The following UMODL1 variants were observed in gnomAD, a reference collection of about 807,000 sequenced individuals.
UMODL1 encodes uromodulin like 1, also known as uromodulin-like 1.
A neutral mutation model predicts 136.3 loss-of-function variants in UMODL1; 128 were observed. That is an observed-to-expected ratio of 0.94 (90% CI 0.81 to 1.09). The LOEUF is 1.09. Ranked by LOEUF, UMODL1 falls within the 50% of genes least tolerant of loss-of-function variation. The pLI, the probability that UMODL1 is intolerant of heterozygous loss-of-function variation, is 0.00. For synonymous variants in UMODL1, 721 were observed against 720.0 expected (o/e 1.00, Z -0.02); for missense variants, 1,766 against 1,725.6 (o/e 1.02, Z -0.41).
chr21:42,101,537 G>C (rs66994219), intron 7 of UMODL1, among the ~76,000 whole-genome samples: 1 of 152,034 alleles, frequency 6.6e-6, no homozygotes, highest in Non-Finnish European at 1.5e-5. Flanking sequence ...AATTGCCGCC[G>C]ACCTGCTCCT....
rs115461538 is a variant in UMODL1 at position 42,120,122 on chromosome 21, C to T, written c.2689+798C>T. 4.8e-3 allele frequency among the ~76,000 whole-genome samples: 726 copies of T among 152,316 alleles called. 8 individuals are homozygous for T. Among genetic ancestry groups the T allele is most frequent in the African/African-American group, 0.017 (695 of 41,556 alleles). On this transcript the variant is annotated intron_variant, in intron 15 of 22. Coordinates refer to ENST00000408910, the MANE Select transcript of UMODL1 (RefSeq NM_001004416.3). ...AAGATGTGGTAACCCAAGACATCCCCATTAGAATGCATTGCACTGTTTGCC... is the reference window on the plus strand; with the variant it reads ...AAGATGTGGTAACCCAAGACATCCCTATTAGAATGCATTGCACTGTTTGCC...
chr21:42,118,939 T>C (rs2066933432), intron 14 of UMODL1, among the ~76,000 whole-genome samples, 172 bp from the exon 15 acceptor site: 1 of 152,204 alleles, frequency 6.6e-6, no homozygotes, highest in African/African-American at 2.4e-5. Context: ...GCGTTTGTGC[T>C]GGGCTTGAAA....
intron 2 of UMODL1, among the ~76,000 whole-genome samples, chr21:42,077,469 T>A (rs978314074): frequency 7.1e-6 from 1 of 140,656 alleles, no homozygotes; most frequent in Non-Finnish European, 1.6e-5. Context: ...GTTAAAACAA[T>A]TTTACAGAAA....
At chr21:42,107,857 A>C (rs180925665) in intron 9 of UMODL1, among the ~76,000 whole-genome samples, 8 of 152,266 alleles carry the variant, frequency 5.3e-5, no homozygotes, top group African/African-American at 1.7e-4. Flanking sequence ...GAGTCTCTGA[A>C]GCAGCTGCCC....
At chr21:42,069,170 A>G (rs1290978990), upstream of UMODL1, among the ~76,000 whole-genome samples, 4 of 151,666 alleles carry the variant, frequency 2.6e-5, no homozygotes, top group African/African-American at 9.7e-5. Context: ...ATCATGCAGG[A>G]AAATATGTAT....
chr21:42,118,113 G>A (rs1274841433), intron 14 of UMODL1, among the ~76,000 whole-genome samples: 1 of 152,224 alleles, frequency 6.6e-6, no homozygotes, highest in Non-Finnish European at 1.5e-5. Flanking sequence ...CTAGCAAGGG[G>A]CCTGGAAGTT....
chr21:42,099,030 G>T lies in UMODL1; in HGVS notation c.1036G>T (p.Val346Phe), dbSNP rs1385093773. 1.9e-6 allele frequency: 3 copies of T among 1,614,180 alleles called. No homozygotes were observed. The highest frequency in any genetic ancestry group is 1.7e-6 in the Non-Finnish European group (2 of 1,180,036). The change falls in exon 7 of 23, where the codon GTT becomes TTT. Residue 346 changes from valine to phenylalanine, a missense_variant. Transcript: ENST00000408910. This position sits in a 1 kb window ranked among gnomAD's most constrained non-coding sequence, Gnocchi z 4.1. The stretch of plus-strand genomic sequence containing the variant: ...ACAGAACCACACTTTCCATGTCCGG[G>T]TTTACCGGGGTATGGAGTTGCTCAG... Reference protein sequence around the residue: ...STQNHTFHVRVYRGMELLRSA... With the variant: ...STQNHTFHVRFYRGMELLRSA...
At position 42,099,525 on chromosome 21, in the gene UMODL1, C is replaced by T. The variant is rs567209752; in HGVS notation, c.1186+345C>T. On this transcript the variant is annotated intron_variant, in intron 7 of 22. Coordinates refer to ENST00000408910, the MANE Select transcript of UMODL1 (RefSeq NM_001004416.3). This position sits in a 1 kb window ranked among gnomAD's most constrained non-coding sequence, Gnocchi z 4.1. ...ATAATAAAGCAGAAGGCGGCAGCTC[C>T]TGGCAGGCAGATCCGGACCCTGCCC... is the stretch of plus-strand genomic sequence containing the variant. 1.3e-5 allele frequency among the ~76,000 whole-genome samples: 2 copies of T among 152,314 alleles called. No individual in the cohort carries two copies. The highest frequency in any genetic ancestry group is 4.8e-5 in the African/African-American group (2 of 41,572).
In UMODL1 at chr21:42,137,013, C is replaced by T. The variant is rs371572974; in HGVS notation, c.3776-426C>T. Among the ~76,000 whole-genome samples, 318 of 152,312 alleles carry T rather than the reference C, an allele frequency of 2.1e-3. 1 individual carries two copies. The highest frequency in any genetic ancestry group is 7.2e-3 in the African/African-American group (298 of 41,570). On this transcript the variant is annotated intron_variant, in intron 21 of 22. Transcript: ENST00000408910. ...CCTTGTGACCCGCCCGCCTCAGCCC[C>T]GCAAAGTGCTGAGATTACAGTCGTC... is the stretch of plus-strand genomic sequence containing the variant.
chr21:42,120,966 A>T, intron 15 of UMODL1, 121 bp from the exon 16 acceptor site: 1 of 1,273,514 alleles, frequency 7.9e-7, no homozygotes, highest in Non-Finnish European at 1.1e-6. Context: ...GCTTGACTGC[A>T]GTCTGCTGTG....
Position 42,129,741 on chromosome 21 carries a change from A to T in UMODL1, c.3719A>T (p.Asn1240Ile), listed in dbSNP as rs2067108916. 2 of 1,587,912 alleles carry T rather than the reference A, an allele frequency of 1.3e-6. No individual in the cohort carries two copies. The highest frequency in any genetic ancestry group is 2.3e-5 in the East Asian group (1 of 44,040). Residue 1240 changes from asparagine (N) to isoleucine (I), a missense_variant, in exon 21 of 23, where the codon AAT (asparagine) becomes ATT (isoleucine). Physicochemically the swap from Asn to Ile is moderately radical, Grantham distance 149. Coordinates refer to ENST00000408910, the MANE Select transcript of UMODL1 (RefSeq NM_001004416.3). The part of the protein sequence containing the change: ...INCNNFRLLQ[N>I]SETSATHQMS... ...TGCAATAACTTTCGGTTGCTGCAAA[A>T]TAGTGAAACCTCTGCCACACACCAG...
chr21:42,127,226 A>G lies in UMODL1; in HGVS notation c.3514A>G (p.Ser1172Gly), dbSNP rs571636463. 3.1e-6 allele frequency: 5 copies of G among 1,614,080 alleles called. No homozygotes were observed. In the African/African-American group the frequency reaches 5.3e-5, roughly 17 times the overall value. ...CAACGCCCGGGACCCCATCACCTTC[A>G]GCTTCATTAACAACAGGTAGGGCTC... ...SSNARDPITF[S>G]FINNSCPVPN... The change falls in exon 19 of 23, where the codon AGC becomes GGC. Residue 1172 changes from serine to glycine, a missense_variant. Physicochemically the swap from Ser to Gly is moderately conservative, Grantham distance 56 (BLOSUM62 0). Coordinates refer to ENST00000408910, the MANE Select transcript of UMODL1 (RefSeq NM_001004416.3).
chr21:42,127,065 T>C lies in UMODL1; in HGVS notation c.3353T>C (p.Leu1118Ser). 1.2e-6 allele frequency: 2 copies of C among 1,614,166 alleles called. No homozygotes were observed. Among genetic ancestry groups the C allele is most frequent in the Non-Finnish European group, 1.7e-6 (2 of 1,180,036 alleles). The change falls in exon 19 of 23, where the codon TTG becomes TCG. Residue 1118 changes from leucine (L) to serine (S), a missense_variant. Coordinates refer to ENST00000408910, the MANE Select transcript of UMODL1 (RefSeq NM_001004416.3). Reference sequence around the variant, plus strand: ...GGGAATTTTGTTACCGAAATGCAGTTGTTTATCGGAGACTCTCCCATACCT... The same window carrying C: ...GGGAATTTTGTTACCGAAATGCAGTCGTTTATCGGAGACTCTCCCATACCT... The part of the protein sequence containing the change: ...GAGNFVTEMQ[L>S]FIGDSPIPQN...
At chr21:42,107,645 G>C (rs140397935) in intron 9 of UMODL1, among the ~76,000 whole-genome samples, 199 of 152,316 alleles carry the variant, frequency 1.3e-3, no homozygotes, top group East Asian at 8.5e-3. Flanking sequence ...GTGTGAATCT[G>C]ACACACGCCC....
At chr21:42,086,422 T>G (rs1392934812) in intron 4 of UMODL1, 16 of 428,088 alleles carry the variant, frequency 3.7e-5, no homozygotes, top group Non-Finnish European at 7.5e-5. Flanking sequence ...GATCAGATGG[T>G]GCACACCTCA....
At chr21:42,135,991 G>A (rs1459146643) in intron 21 of UMODL1, among the ~76,000 whole-genome samples, 2 of 152,138 alleles carry the variant, frequency 1.3e-5, no homozygotes, top group Non-Finnish European at 2.9e-5. Flanking sequence ...TGTTTCCAAT[G>A]CAGACCTTCC....
chr21:42,119,165 A>G lies in UMODL1; in HGVS notation c.2530A>G (p.Arg844Gly). 1 of 1,614,092 alleles carries G rather than the reference A, an allele frequency of 6.2e-7. No homozygotes were observed. Among genetic ancestry groups the G allele is most frequent in the Non-Finnish European group, 8.5e-7 (1 of 1,180,006 alleles). The change falls in exon 15 of 23, where the codon AGG becomes GGG. Residue 844 changes from arginine to glycine, a missense_variant. Coordinates refer to ENST00000408910, the MANE Select transcript of UMODL1 (RefSeq NM_001004416.3). ...TCAGCACATGGACGCTGGTGGGGTC[A>G]GGATGGAAGTCGTCAGCGTCACCAA... ...MCQHMDAGGVRMEVVSVTNGS... is the reference protein window; with the variant it reads ...MCQHMDAGGVGMEVVSVTNGS...
In UMODL1 at chr21:42,129,856, C is replaced by G. The variant is rs2067110926; in HGVS notation, c.3775+59C>G. On this transcript the variant is annotated intron_variant, in intron 21 of 22. Coordinates refer to ENST00000408910, the MANE Select transcript of UMODL1 (RefSeq NM_001004416.3). Reference sequence around the variant, plus strand: ...AAAGATGCAACCGATTCCTTTTCACCAGCATGTAAATAAAAAAGTAACTGT... The same window carrying G: ...AAAGATGCAACCGATTCCTTTTCACGAGCATGTAAATAAAAAAGTAACTGT... The G allele has an allele frequency of 2.3e-6, 3 of 1,293,210 alleles. No individual in the cohort carries two copies. In the South Asian group the frequency reaches 4.5e-5, roughly 19 times the overall value. The allele number at this position is 1,293,210 out of a possible 1,614,324, so 80.1% of individuals were successfully genotyped here. A position where few individuals can be genotyped will look rare whatever the true frequency, so the allele number is the denominator to read the frequency against.
rs1304572633 is a variant in UMODL1 at position 42,082,381 on chromosome 21, AC to A, written c.320-1700del. Among the ~76,000 whole-genome samples, 9 of 152,190 alleles carry A rather than the reference AC, an allele frequency of 5.9e-5. No individual in the cohort carries two copies. The South Asian group carries it at 1.9e-3, about 32-fold the overall frequency. ...CCACCCTCGCGGGGGTGAGTCCAGG[AC>A]CCAGTTACCAGCTGGCCTCCTCTAG... On this transcript the variant is annotated intron_variant, in intron 2 of 22. Coordinates refer to ENST00000408910, the MANE Select transcript of UMODL1 (RefSeq NM_001004416.3).
Sources: allele counts gnomAD v4.1 joint callset (sites outside exome capture counted in the v4.1 genomes callset), GRCh38; gene constraint gnomAD v4.1.1; non-coding constraint Gnocchi (gnomAD v3.1); transcripts MANE v1.5; gene names NCBI Gene and HGNC (gene_info 2026-07-23, HGNC 2026-07-21).